Variants in ANKRD26 observed in about 807,000 individuals in gnomAD.
ANKRD26 encodes the protein ankyrin repeat domain-containing protein 26.
In ANKRD26, 141 loss-of-function variants were observed where a neutral mutation model predicts 208.7. That is an observed-to-expected ratio of 0.68 (90% confidence interval 0.59 to 0.78). The LOEUF is 0.78. ANKRD26 is among the 30% of genes least tolerant of loss of function. The pLI is 0.00. For missense variants in ANKRD26, 1,889 were observed against 1,938.7 expected, an observed-to-expected ratio of 0.97 and a Z score of 0.48; for synonymous variants, 636 against 660.4, an observed-to-expected ratio of 0.96 and a Z score of 0.57.
intron 1 of ANKRD26, among the ~76,000 whole-genome samples, chr10:27,094,826 C>CTCCA (rs1564438672): frequency 6.6e-6 from 1 of 152,060 alleles, no homozygotes; most frequent in East Asian, 1.9e-4. Context: ...CATAGTGAGA[C>CTCCA]TCCATCTCTA....
intron 32 of ANKRD26, 122 bp from the exon 33 acceptor site, chr10:27,007,084 GCTT>G: frequency 1.5e-6 from 1 of 658,606 alleles, no homozygotes; most frequent in Non-Finnish European, 2.7e-6. Context: ...TAACTTGATT[GCTT>G]AAATATAAAA....
chr10:26,953,479 A>G, the ANKRD26 span, among the ~76,000 whole-genome samples: 1 of 152,224 alleles, frequency 6.6e-6, no homozygotes, highest in African/African-American at 2.4e-5. Flanking sequence ...CTTGGTTTAC[A>G]GTACTGTGTG....
intron 22 of ANKRD26, among the ~76,000 whole-genome samples, chr10:27,037,668 C>T (rs2054088271): frequency 6.6e-6 from 1 of 152,112 alleles, no homozygotes; most frequent in East Asian, 1.9e-4. Context: ...ACTTACCCTC[C>T]ATTCCTTCAT....
the ANKRD26 span, among the ~76,000 whole-genome samples, chr10:26,957,945 T>A: frequency 6.6e-6 from 1 of 152,092 alleles, no homozygotes; most frequent in African/African-American, 2.4e-5. Flanking sequence ...TGTGACAAAC[T>A]TGAACACCAA....
chr10:26,996,688 C>T (rs149483348), intron 4 of ANKRD26, among the ~76,000 whole-genome samples: 1 of 152,186 alleles, frequency 6.6e-6, no homozygotes, highest in East Asian at 1.9e-4. Context: ...GTCTTACTGT[C>T]AAGAAGGATA....
rs768840187 is a variant in ANKRD26 at position 27,066,199 on chromosome 10, T to G, written c.1269+288A>C. 2.3e-5 allele frequency: 5 copies of G among 220,864 alleles called. No individual in the cohort carries two copies. The South Asian group carries it at 4.5e-4, about 20-fold the overall frequency. The allele number at this position is 220,864 out of a possible 1,614,324, so 13.7% of individuals were successfully genotyped here. The stretch of plus-strand genomic sequence containing the variant: ...TCTTTAGTTTTTAGATAAACTTAAC[T>G]TCAGAACCCATACTGATTCCATGTG... On this transcript the variant is annotated intron_variant, in intron 11 of 33. Transcript: ENST00000376087.
At chr10:27,016,267 G>T (rs1414982634) in intron 30 of ANKRD26, among the ~76,000 whole-genome samples, 1 of 152,054 alleles carries the variant, frequency 6.6e-6, no homozygotes, top group Non-Finnish European at 1.5e-5. Flanking sequence ...AGGATTACAG[G>T]TGTGAGCTAC....
At chr10:27,046,119 T>G (rs965135311) in intron 18 of ANKRD26, 1 of 480,848 alleles carries the variant, frequency 2.1e-6, no homozygotes, top group Non-Finnish European at 3.7e-6. Flanking sequence ...ACCTATTGCC[T>G]CTCAGTCCAA....
chr10:27,064,025 G>A lies in ANKRD26; in HGVS notation c.1326C>T (p.Asp442=), dbSNP rs201935668. Residue 442 remains aspartate, a synonymous_variant, in exon 12 of 34, where the codon GAC becomes GAT. Coordinates refer to ENST00000376087, the MANE Select transcript of ANKRD26 (RefSeq NM_014915.3). The stretch of plus-strand genomic sequence containing the variant: ...CATTTCCTATATTTTTTTCTTTTCC[G>A]TCTGCAGCCCCAGCTAAAGGATCAA... ...KYVDPLAGAA[D]GKEKNIGNEQ... is the part of the protein sequence containing the mutation. 217 of 1,610,176 alleles carry A rather than the reference G, an allele frequency of 1.3e-4. 3 individuals are homozygous for A. The highest frequency in any genetic ancestry group is 1.2e-3 in the African/African-American group (88 of 74,544).
At chr10:27,029,184 A>G (rs2053779617) in intron 26 of ANKRD26, 102 bp downstream of exon 26, 4 of 1,375,152 alleles carry the variant, frequency 2.9e-6, no homozygotes, top group South Asian at 2.5e-5. Flanking sequence ...CCTTGACTTC[A>G]CACAGATGTA....
At chr10:27,010,655 C>T (rs532354476) in intron 32 of ANKRD26, among the ~76,000 whole-genome samples, 1 of 152,174 alleles carries the variant, frequency 6.6e-6, no homozygotes, top group African/African-American at 2.4e-5. Flanking sequence ...ACCACCATGC[C>T]CAGCTAATTT....
chr10:27,045,665 T>C (rs1443375273), intron 18 of ANKRD26, among the ~76,000 whole-genome samples: 2 of 152,218 alleles, frequency 1.3e-5, no homozygotes, highest in African/African-American at 4.8e-5. Flanking sequence ...CTGTTCATGA[T>C]GCTACTGTCA....
At chr10:26,988,720 C>A (rs1179862123), downstream of ANKRD26, among the ~76,000 whole-genome samples, 1 of 151,884 alleles carries the variant, frequency 6.6e-6, no homozygotes, top group African/African-American at 2.4e-5. Flanking sequence ...AAATATTATG[C>A]TATTGTTTAC....
At chr10:26,972,834 C>T (rs1009670836), downstream of ANKRD26, among the ~76,000 whole-genome samples, 3 of 152,132 alleles carry the variant, frequency 2.0e-5, no homozygotes, top group Admixed American at 6.5e-5. Flanking sequence ...TTGTGATCTG[C>T]CCGCCTCAGC....
rs565455603 is a variant in ANKRD26, at chr10:27,039,595, G to A, written c.2375+370C>T. 4.4e-4 allele frequency among the ~76,000 whole-genome samples: 67 copies of A among 151,766 alleles called. 1 individual carries two copies. In the East Asian group the frequency reaches 0.012, roughly 28 times the overall value. On this transcript the variant is annotated intron_variant, in intron 21 of 33. Coordinates refer to ENST00000376087, the MANE Select transcript of ANKRD26 (RefSeq NM_014915.3). ...TAAAAAAAATTCCTATACTTTAAAC[G>A]AATAATTCTATATTGAAGAATTTAT...
At chr10:27,095,759 G>C (rs2056448044) in intron 1 of ANKRD26, among the ~76,000 whole-genome samples, 1 of 152,110 alleles carries the variant, frequency 6.6e-6, no homozygotes, top group South Asian at 2.1e-4. Context: ...GCTCAGGCTG[G>C]GCAGGTATGC....
rs991775476 is a variant in ANKRD26 at position 27,062,431 on chromosome 10, G to T, written c.1364-1189C>A. On this transcript the variant is annotated intron_variant, in intron 12 of 33. Coordinates refer to ENST00000376087, the MANE Select transcript of ANKRD26 (RefSeq NM_014915.3). ...GACCAGAAGCATCAGCATTATGTGG[G>T]AACTTACTAGAAATGCAGAACCCCA... is the stretch of plus-strand genomic sequence containing the variant. Among the ~76,000 whole-genome samples, 7 of 152,174 alleles carry T rather than the reference G, an allele frequency of 4.6e-5. No individual in the cohort carries two copies. In the East Asian group the frequency reaches 1.2e-3, roughly 25 times the overall value.
intron 15 of ANKRD26, among the ~76,000 whole-genome samples, chr10:27,058,861 G>A (rs1022447718): frequency 6.6e-6 from 1 of 150,732 alleles, no homozygotes; most frequent in Non-Finnish European, 1.5e-5. Context: ...TAGGCGTGAG[G>A]CACCGCGCCC....
At chr10:26,970,737 G>C (rs1355823707), downstream of ANKRD26, among the ~76,000 whole-genome samples, 2 of 152,190 alleles carry the variant, frequency 1.3e-5, no homozygotes, top group African/African-American at 4.8e-5. Context: ...ACTGGATCAA[G>C]TATTAGATTA....
Sources: allele counts gnomAD v4.1 joint callset (sites outside exome capture counted in the v4.1 genomes callset), GRCh38; gene constraint gnomAD v4.1.1; transcripts MANE v1.5; gene names NCBI Gene and HGNC (gene_info 2026-07-23, HGNC 2026-07-21).